Variants in BOD1L1 observed in about 807,000 individuals in gnomAD.
The protein encoded by BOD1L1 is biorientation of chromosomes in cell division protein 1-like 1.
Under a neutral mutation model 240.7 loss-of-function variants are expected in BOD1L1, and 86 were observed. The observed-to-expected ratio is 0.36, with a 90% CI of 0.30 to 0.43. The LOEUF (loss-of-function observed/expected upper bound fraction) is 0.43, where lower values mean the gene tolerates loss of function less well. BOD1L1 is among the 20% of genes least tolerant of loss of function. BOD1L1 has a pLI of 1.00. For missense variants in BOD1L1, 3,554 were observed against 3,643.5 expected (o/e 0.98, Z 0.63); for synonymous variants, 1,268 against 1,272.3 (o/e 1.00, Z 0.07).
chr4:13,589,233 C>G (rs1713979306), intron 14 of BOD1L1, among the ~76,000 whole-genome samples: 1 of 152,178 alleles, frequency 6.6e-6, no homozygotes, highest in African/African-American at 2.4e-5. Flanking sequence ...TGGTACACCA[C>G]TTGGGGTCAA....
intron 2 of BOD1L1, among the ~76,000 whole-genome samples, chr4:13,618,965 C>A (rs1426785533): frequency 6.6e-6 from 1 of 152,074 alleles, no homozygotes; most frequent in Admixed American, 6.6e-5. Flanking sequence ...AACTTAGTCA[C>A]CCTTTTTTTG....
At chr4:13,624,911 T>C (rs1454230313) in intron 1 of BOD1L1, 3 of 152,222 alleles carry the variant, frequency 2.0e-5, no homozygotes, top group African/African-American at 7.2e-5. Flanking sequence ...AAGTGGCAGA[T>C]GAAACTCAAG....
intron 1 of BOD1L1, among the ~76,000 whole-genome samples, chr4:13,626,835 T>C (rs2109008706): frequency 6.6e-6 from 1 of 152,320 alleles, no homozygotes; most frequent in Admixed American, 6.5e-5. Context: ...CAATCACTGC[T>C]AGAAACAATA....
intron 3 of BOD1L1, 28 bp from the exon 4 acceptor site, chr4:13,614,838 A>T: frequency 6.4e-7 from 1 of 1,555,552 alleles, no homozygotes. Context: ...GTTTTAGAAT[A>T]CATTTAATCA....
At position 13,586,586 on chromosome 4, in the gene BOD1L1, G is replaced by C. The variant is rs545114483; in HGVS notation, c.8354-111C>G. ...CCTTCTTTCTTAGGCCTGTGATACA[G>C]AGAAGCCAAAAGTTACTCTATATTT... On this transcript the variant is annotated intron_variant, in intron 16 of 25. Coordinates refer to ENST00000040738, the MANE Select transcript of BOD1L1 (RefSeq NM_148894.3). The C allele has an allele frequency of 1.4e-4, 78 of 570,276 alleles. No homozygotes were observed. The South Asian group carries it at 2.6e-3, about 19-fold the overall frequency. 35.3% of individuals were successfully genotyped at this position (570,276 alleles called of 1,614,324 possible).
intron 25 of BOD1L1, among the ~76,000 whole-genome samples, chr4:13,575,586 T>G (rs1044360754): frequency 1.1e-4 from 16 of 151,896 alleles, no homozygotes; most frequent in African/African-American, 3.9e-4. Flanking sequence ...CTCCCTGTGT[T>G]GCCCAGGCTG....
At chr4:13,570,172 C>G (rs1176823522) in intron 25 of BOD1L1, 44 bp from the exon 26 acceptor site, 2 of 1,380,138 alleles carry the variant, frequency 1.4e-6, no homozygotes, top group Non-Finnish European at 9.7e-7. Context: ...TTAAAAGCAG[C>G]TGCTTCAAAT....
In BOD1L1 at chr4:13,613,254, TC is replaced by T. The variant is rs1560214090; in HGVS notation, c.1324+257del. Among the ~76,000 whole-genome samples, 1 of 152,162 alleles carries T rather than the reference TC, an allele frequency of 6.6e-6. No homozygotes were observed. Among genetic ancestry groups the T allele is most frequent in the East Asian group, 1.9e-4 (1 of 5,190 alleles). Reference sequence around the variant, plus strand: ...TAAAAAGCATCTTCATATATTTATCTCCTCTAAATTTTAAATTAATAATAAT... The same window carrying T: ...TAAAAAGCATCTTCATATATTTATCTCTCTAAATTTTAAATTAATAATAAT... On this transcript the variant is annotated intron_variant, in intron 5 of 25. Transcript: ENST00000040738. This position sits in a 1 kb window ranked among gnomAD's most constrained non-coding sequence, Gnocchi z 4.0.
chr4:13,609,385 G>T lies in BOD1L1; in HGVS notation c.1513C>A (p.Leu505Ile). ...QSIAKEKEER[L>I]LRRQINREKL... ...TCTCTATTGATTTGCCTTCTTAAAA[G>T]CCTCTCTTCTTTTTCTTTGGCCTAA... is the stretch of plus-strand genomic sequence containing the variant. Residue 505 changes from leucine (L) to isoleucine (I), a missense_variant, in exon 7 of 26, where the codon CTT (leucine) becomes ATT (isoleucine). This residue lies in a region of BOD1L1 where 3,393 missense variants were observed against 3,427.1 expected (regional missense o/e 0.99). Transcript: ENST00000040738. The T allele has an allele frequency of 1.3e-6, 2 of 1,523,770 alleles. No homozygotes were observed. The highest frequency in any genetic ancestry group is 2.2e-5 in the Admixed American group (1 of 44,798). The allele number at this position is 1,523,770 out of a possible 1,614,324, so 94.4% of individuals were successfully genotyped here. A position where few individuals can be genotyped will look rare whatever the true frequency, so the allele number is the denominator to read the frequency against.
chr4:13,624,931 A>C (rs1417902406), intron 1 of BOD1L1: 1 of 152,228 alleles, frequency 6.6e-6, no homozygotes, highest in Non-Finnish European at 1.5e-5. Flanking sequence ...GGATTCCATT[A>C]AAGTGATGGT....
rs759758491 is a variant in BOD1L1 at position 13,601,550 on chromosome 4, C to T, written c.5350G>A (p.Gly1784Ser). The T allele has an allele frequency of 6.2e-7, 1 of 1,614,032 alleles. No homozygotes were observed. The highest frequency in any genetic ancestry group is 1.1e-5 in the South Asian group (1 of 91,086). Residue 1784 changes from glycine to serine, a missense_variant, in exon 10 of 26, where the codon GGT becomes AGT. This residue lies in a region of BOD1L1 where 3,393 missense variants were observed against 3,427.1 expected (regional missense o/e 0.99). Transcript: ENST00000040738. ...GTGACTGCACTCTCACCTTCTGTAC[C>T]ATCATTCACAGAACCATCTCCTTCT... ...SQEGDGSVND[G>S]TEGESAVTST...
At chr4:13,584,138 A>C (rs1332288687) in intron 17 of BOD1L1, among the ~76,000 whole-genome samples, 1 of 152,210 alleles carries the variant, frequency 6.6e-6, no homozygotes, top group Non-Finnish European at 1.5e-5. Context: ...GGCATATATA[A>C]ATCGTGGTTC....
chr4:13,596,943 G>C (rs1714664758), intron 11 of BOD1L1, among the ~76,000 whole-genome samples, 161 bp downstream of exon 11: 2 of 152,142 alleles, frequency 1.3e-5, no homozygotes, highest in African/African-American at 4.8e-5. Flanking sequence ...GATTACTGAG[G>C]TTCTTAGCTT....
intron 25 of BOD1L1, among the ~76,000 whole-genome samples, chr4:13,573,959 G>A (rs758440789): frequency 1.3e-5 from 2 of 152,174 alleles, no homozygotes; most frequent in African/African-American, 2.4e-5. Flanking sequence ...TTACAGGCAT[G>A]AGCCACTGCG....
Position 13,609,311 on chromosome 4 carries a change from TGAAG to T in BOD1L1, c.1583_1586del (p.Ser528Ter). 1 of 1,546,014 alleles carries T rather than the reference TGAAG, an allele frequency of 6.5e-7. No homozygotes were observed. The highest frequency in any genetic ancestry group is 8.7e-7 in the Non-Finnish European group (1 of 1,150,094). On this transcript the variant is annotated frameshift_variant, in exon 7 of 26. Coordinates refer to ENST00000040738, the MANE Select transcript of BOD1L1 (RefSeq NM_148894.3). LOFTEE classifies it high-confidence loss of function. ...CATCTATACCTTGACCCTTGGTTTT[TGAAG>T]ACTTTGTCTTTTCTGCTTTCTGTTT... is the stretch of plus-strand genomic sequence containing the variant.
chr4:13,569,771 G>T lies in BOD1L1; in HGVS notation c.*240C>A. The stretch of plus-strand genomic sequence containing the variant: ...GAATGTTAAAATATACAACTACTTT[G>T]TTTTGAGTTCAGATACAAAGTAAAC... On this transcript the variant is annotated 3_prime_UTR_variant, in exon 26 of 26. Coordinates refer to ENST00000040738, the MANE Select transcript of BOD1L1 (RefSeq NM_148894.3). 1 of 315,626 alleles carries T rather than the reference G, an allele frequency of 3.2e-6. No individual in the cohort carries two copies. The highest frequency in any genetic ancestry group is 5.5e-5 in the East Asian group (1 of 18,248). 19.6% of individuals were successfully genotyped at this position (315,626 alleles called of 1,614,324 possible). A position where few individuals can be genotyped will look rare whatever the true frequency, so the allele number is the denominator to read the frequency against.
Position 13,579,977 on chromosome 4 carries a change from T to A in BOD1L1, c.8704-4A>T. 6.4e-7 allele frequency: 1 copy of A among 1,552,922 alleles called. No individual in the cohort carries two copies. The highest frequency in any genetic ancestry group is 1.4e-5 in the African/African-American group (1 of 73,330). ...TGCTAGATGGAGATTGTTCTACCTA[T>A]GTTTAAATAAACAAACAAAAAAAAA... is the stretch of plus-strand genomic sequence containing the variant. On this transcript the variant is annotated splice_region_variant and splice_polypyrimidine_tract_variant and intron_variant, in intron 21 of 25. Transcript: ENST00000040738.
At chr4:13,590,822 C>G (rs528405951) in intron 13 of BOD1L1, among the ~76,000 whole-genome samples, 11 of 152,032 alleles carry the variant, frequency 7.2e-5, no homozygotes, top group African/African-American at 2.2e-4. Context: ...TCCTATTTGG[C>G]AAATCTTATC....
chr4:13,614,846 T>A (rs1716461299), intron 3 of BOD1L1, 36 bp from the exon 4 acceptor site: 2 of 1,541,900 alleles, frequency 1.3e-6, no homozygotes, highest in African/African-American at 2.8e-5. Context: ...ATACATTTAA[T>A]CAGAAGGAAA....
Sources: allele counts gnomAD v4.1 joint callset (sites outside exome capture counted in the v4.1 genomes callset), GRCh38; gene constraint gnomAD v4.1.1; regional missense constraint gnomAD v4.1.1; non-coding constraint Gnocchi (gnomAD v3.1); transcripts MANE v1.5; gene names NCBI Gene and HGNC (gene_info 2026-07-23, HGNC 2026-07-21).